Variants in SORBS2 observed in about 807,000 individuals in gnomAD.
SORBS2 encodes the protein sorbin and SH3 domain containing 2.
A neutral mutation model predicts 97.7 loss-of-function variants in SORBS2; 46 were observed. The ratio of observed to expected loss-of-function variants is 0.47; its 90% CI spans 0.37 to 0.60. The LOEUF (loss-of-function observed/expected upper bound fraction) is 0.60, where lower values mean the gene tolerates loss of function less well. Ranked by LOEUF, SORBS2 falls within the 20% of genes least tolerant of loss-of-function variation. The probability of loss-of-function intolerance (pLI) is 0.00; values close to 1 mark genes in which losing one functional copy is unlikely to be tolerated. For missense variants in SORBS2, 1,316 were observed against 1,282.3 expected (o/e 1.03, Z -0.40); for synonymous variants, 476 against 473.4 (o/e 1.01, Z -0.07).
intron 2 of SORBS2, among the ~76,000 whole-genome samples, chr4:185,729,825 A>G (rs2098600149): frequency 6.6e-6 from 1 of 152,260 alleles, no homozygotes; most frequent in Admixed American, 6.5e-5. Flanking sequence ...AGAAAAATAT[A>G]ACACGCAGTG....
chr4:185,759,319 C>T (rs1188873496), intron 2 of SORBS2, among the ~76,000 whole-genome samples: 2 of 152,176 alleles, frequency 1.3e-5, no homozygotes, highest in African/African-American at 4.8e-5. Context: ...CTTGCTCTTG[C>T]CTCAGTGATT....
chr4:185,606,193 G>A lies in SORBS2; in HGVS notation c.2796+5587C>T. The A allele has an allele frequency of 5.1e-6, 5 of 985,312 alleles. No individual in the cohort carries two copies. Among genetic ancestry groups the A allele is most frequent in the Non-Finnish European group, 6.0e-6 (5 of 829,900 alleles). 61.0% of individuals were successfully genotyped at this position (985,312 alleles called of 1,614,324 possible). On this transcript the variant is annotated intron_variant, in intron 12 of 14. Coordinates refer to ENST00000418609, the Ensembl canonical transcript of SORBS2. This position sits in a 1 kb window ranked among gnomAD's most constrained non-coding sequence, Gnocchi z 4.3. The stretch of plus-strand genomic sequence containing the variant: ...ATCAACTTCCTCTTCTCTAAAGTGG[G>A]GATGATAATGTCACACACCTCACTG...
At chr4:185,736,886 G>A (rs1002867002) in intron 2 of SORBS2, among the ~76,000 whole-genome samples, 1 of 152,168 alleles carries the variant, frequency 6.6e-6, no homozygotes, top group Non-Finnish European at 1.5e-5. Flanking sequence ...AACAAGCAAG[G>A]CTGCTCCATT....
chr4:185,792,523 G>A (rs1402096498), intron 1 of SORBS2, among the ~76,000 whole-genome samples: 3 of 151,482 alleles, frequency 2.0e-5, no homozygotes, highest in Non-Finnish European at 4.4e-5. Context: ...AAAGAAGAGA[G>A]AGAGAGGGAG....
At chr4:185,848,618 CTTTTTTTTT>C (rs537195530) in intron 1 of SORBS2, among the ~76,000 whole-genome samples, 1,130 of 75,092 alleles carry the variant, frequency 0.015, 3 homozygotes, top group Non-Finnish European at 0.018. Context: ...AAGGATATCT[CTTTTTTTTT>C]TTTTTTTTTT....
intron 2 of SORBS2, among the ~76,000 whole-genome samples, chr4:185,766,970 T>A (rs1006939946): frequency 6.6e-6 from 1 of 152,160 alleles, no homozygotes; most frequent in African/African-American, 2.4e-5. Flanking sequence ...GTCTTTAAAA[T>A]TTTTTTTAAA....
At chr4:185,784,405 C>T (rs1351017339) in intron 1 of SORBS2, among the ~76,000 whole-genome samples, 1 of 152,232 alleles carries the variant, frequency 6.6e-6, no homozygotes, top group East Asian at 1.9e-4. Flanking sequence ...GCTGGGATTA[C>T]AAGCGTGAGC....
chr4:185,757,749 G>A (rs1584266631), intron 2 of SORBS2, among the ~76,000 whole-genome samples: 3 of 152,204 alleles, frequency 2.0e-5, no homozygotes, highest in Admixed American at 2.0e-4. Context: ...CAGAGACAAG[G>A]GTATACATTA....
chr4:185,675,084 C>G (rs1242913081), intron 4 of SORBS2: 1 of 152,164 alleles, frequency 6.6e-6, no homozygotes, highest in Non-Finnish European at 1.5e-5. Flanking sequence ...GTGACAGGAT[C>G]TCAAATCTTA....
At chr4:185,605,950 T>C (rs1212519111) in intron 12 of SORBS2, 3 of 263,070 alleles carry the variant, frequency 1.1e-5, no homozygotes, top group Non-Finnish European at 1.8e-5. Flanking sequence ...TGTTCAAGAT[T>C]CTTCATAACA....
At chr4:185,814,474 G>A (rs1325865873) in intron 1 of SORBS2, among the ~76,000 whole-genome samples, 2 of 152,136 alleles carry the variant, frequency 1.3e-5, no homozygotes, top group Non-Finnish European at 2.9e-5. Flanking sequence ...CTGGGAGGTC[G>A]AGGCTGCAGT....
intron 13 of SORBS2, chr4:185,593,055 C>T (rs897030147): frequency 1.3e-5 from 2 of 152,274 alleles, no homozygotes; most frequent in African/African-American, 4.8e-5. Flanking sequence ...AAGGAGGAGG[C>T]TATTGTTAGC....
At chr4:185,630,789 G>A (rs2096893744) in intron 4 of SORBS2, among the ~76,000 whole-genome samples, 191 bp from the exon 17 acceptor site, 1 of 152,112 alleles carries the variant, frequency 6.6e-6, no homozygotes, top group Non-Finnish European at 1.5e-5. Flanking sequence ...GGACCTATCT[G>A]CTTTCCCTTC....
At chr4:185,708,209 G>A (rs77456784) in intron 2 of SORBS2, among the ~76,000 whole-genome samples, 2,527 of 152,262 alleles carry the variant, frequency 0.017, 37 homozygotes, top group South Asian at 0.033. Flanking sequence ...AGTCAGAAAA[G>A]CAGCATCCTC....
chr4:185,614,813 A>G lies in SORBS2; in HGVS notation c.2595+18T>C, dbSNP rs758511271. ...ACAAACAAACAAAAACAAACAAACA[A>G]AAAACCAGCTGGGCTACCTTTCTCA... On this transcript the variant is annotated intron_variant, in intron 11 of 14. Transcript: ENST00000418609. The G allele has an allele frequency of 2.0e-5, 32 of 1,612,988 alleles. No individual in the cohort carries two copies. The highest frequency in any genetic ancestry group is 2.3e-5 in the Non-Finnish European group (27 of 1,179,608).
chr4:185,769,406 C>A (rs2098956329), intron 2 of SORBS2, among the ~76,000 whole-genome samples: 1 of 152,196 alleles, frequency 6.6e-6, no homozygotes. Context: ...TTGGCATCAC[C>A]ATCATTCCTG....
chr4:185,931,397 G>A (rs1370476786), intron 1 of SORBS2, among the ~76,000 whole-genome samples: 1 of 152,154 alleles, frequency 6.6e-6, no homozygotes, highest in Admixed American at 6.5e-5. Flanking sequence ...TTTTATGAGG[G>A]GGGACACCAC....
intron 1 of SORBS2, among the ~76,000 whole-genome samples, chr4:185,824,402 A>G (rs1255414088): frequency 2.6e-5 from 4 of 152,194 alleles, no homozygotes; most frequent in African/African-American, 9.6e-5. Context: ...CTATGACCCC[A>G]TCTTGCCTTG....
chr4:185,829,237 G>A (rs1165226997), intron 1 of SORBS2, among the ~76,000 whole-genome samples: 4 of 152,128 alleles, frequency 2.6e-5, no homozygotes, highest in South Asian at 2.1e-4. Context: ...TAAAATACTG[G>A]ACTCTCAGCT....
Sources: allele counts gnomAD v4.1 joint callset (sites outside exome capture counted in the v4.1 genomes callset), GRCh38; gene constraint gnomAD v4.1.1; non-coding constraint Gnocchi (gnomAD v3.1); transcripts MANE v1.5; gene names NCBI Gene and HGNC (gene_info 2026-07-23, HGNC 2026-07-21).